SH3BP4: variants seen among roughly 807,000 people sequenced by gnomAD.
The protein encoded by SH3BP4 is SH3 domain binding protein 4, also known as SH3 domain-binding protein 4.
SH3BP4 carries 33 observed loss-of-function variants against 65.5 expected under a neutral mutation model. That is an observed-to-expected ratio of 0.50 (90% confidence interval 0.38 to 0.67). SH3BP4 has a LOEUF of 0.67. SH3BP4 is among the 30% of genes least tolerant of loss of function. The probability of loss-of-function intolerance (pLI) is 0.00; values close to 1 mark genes in which losing one functional copy is unlikely to be tolerated. For synonymous variants in SH3BP4, 552 were observed against 545.5 expected, an observed-to-expected ratio of 1.01 and a Z score of -0.17; for missense variants, 1,134 against 1,261.4, an observed-to-expected ratio of 0.90 and a Z score of 1.53.
At chr2:234,959,653 C>CTTT (rs148083180) in intron 1 of SH3BP4, among the ~76,000 whole-genome samples, 1 of 123,820 alleles carries the variant, frequency 8.1e-6, no homozygotes. Flanking sequence ...GAGGATTTGA[C>CTTT]TTTTTTTTTT....
intron 2 of SH3BP4, among the ~76,000 whole-genome samples, chr2:235,020,198 G>C (rs1694811104): frequency 6.6e-6 from 1 of 152,152 alleles, no homozygotes; most frequent in African/African-American, 2.4e-5. Flanking sequence ...CCTAGATATA[G>C]AAATAAGTGA....
chr2:234,958,542 G>T (rs1314045460), intron 1 of SH3BP4, among the ~76,000 whole-genome samples: 1 of 152,066 alleles, frequency 6.6e-6, no homozygotes, highest in Non-Finnish European at 1.5e-5. Context: ...CTCATACATG[G>T]GAACCTAGAG....
At chr2:235,038,056 C>T (rs1484432199) in intron 3 of SH3BP4, among the ~76,000 whole-genome samples, 2 of 150,564 alleles carry the variant, frequency 1.3e-5, no homozygotes, top group Non-Finnish European at 1.5e-5. Context: ...CCCCGCTACG[C>T]GCCAGGCCTT....
At position 234,952,382 on chromosome 2, in the gene SH3BP4, C is replaced by G. The variant is rs1440287240; in HGVS notation, c.-207+212C>G. The stretch of plus-strand genomic sequence containing the variant: ...CCTCGCGCGCCCCTCGCCGCTCCCC[C>G]GGGCGCTCGGGTCTCCCTGGTGCTG... On this transcript the variant is annotated intron_variant, in intron 1 of 5. Transcript: ENST00000392011. This position sits in a 1 kb window ranked among gnomAD's most constrained non-coding sequence, Gnocchi z 6.5. 2.0e-5 allele frequency among the ~76,000 whole-genome samples: 3 copies of G among 150,958 alleles called. No individual in the cohort carries two copies. The highest frequency in any genetic ancestry group is 7.3e-5 in the African/African-American group (3 of 41,276).
At chr2:235,007,010 C>T (rs996720256) in intron 2 of SH3BP4, among the ~76,000 whole-genome samples, 3 of 152,242 alleles carry the variant, frequency 2.0e-5, no homozygotes, top group Admixed American at 1.3e-4. Flanking sequence ...AACGAGCTGA[C>T]GGAACATTTA....
chr2:234,958,425 G>C (rs1229275600), intron 1 of SH3BP4, among the ~76,000 whole-genome samples: 1 of 151,956 alleles, frequency 6.6e-6, no homozygotes, highest in Admixed American at 6.5e-5. Flanking sequence ...TGCTCGCCCT[G>C]GGGGGGTGTC....
chr2:235,044,568 G>T (rs146792816), intron 4 of SH3BP4, among the ~76,000 whole-genome samples: 2 of 152,350 alleles, frequency 1.3e-5, no homozygotes, highest in East Asian at 1.9e-4. Context: ...GGCGTGTGCC[G>T]CTCTTCCTCG....
intron 1 of SH3BP4, among the ~76,000 whole-genome samples, chr2:234,958,161 A>G (rs1156945366): frequency 6.6e-6 from 1 of 152,128 alleles, no homozygotes; most frequent in African/African-American, 2.4e-5. Context: ...CAGATGAAGG[A>G]AAGAGAAACC....
intron 2 of SH3BP4, among the ~76,000 whole-genome samples, chr2:235,016,256 G>A (rs1014285293): frequency 6.6e-6 from 1 of 152,054 alleles, no homozygotes; most frequent in African/African-American, 2.4e-5. Context: ...AAAACACGAG[G>A]CACATCTGAG....
chr2:234,964,182 A>G (rs374207183), intron 1 of SH3BP4, among the ~76,000 whole-genome samples: 8 of 152,154 alleles, frequency 5.3e-5, no homozygotes, highest in African/African-American at 1.7e-4. Context: ...CAGCATTCCC[A>G]GCACGCCCCA....
At chr2:235,007,122 A>G (rs1404803670) in intron 2 of SH3BP4, among the ~76,000 whole-genome samples, 1 of 149,670 alleles carries the variant, frequency 6.7e-6, no homozygotes, top group African/African-American at 2.4e-5. Flanking sequence ...TGTGAAATCA[A>G]GTAGAGGGGA....
intron 2 of SH3BP4, among the ~76,000 whole-genome samples, chr2:235,003,585 A>C (rs1018295494): frequency 2.6e-5 from 4 of 152,284 alleles, no homozygotes; most frequent in African/African-American, 9.6e-5. Context: ...GAGGGGGTCA[A>C]ATCTTGGTGA....
At chr2:234,973,708 G>A (rs1693068446) in intron 1 of SH3BP4, among the ~76,000 whole-genome samples, 1 of 151,640 alleles carries the variant, frequency 6.6e-6, no homozygotes, top group Non-Finnish European at 1.5e-5. Flanking sequence ...GGAGTGGAGG[G>A]CACAAGGATG....
intron 3 of SH3BP4, among the ~76,000 whole-genome samples, chr2:235,039,583 A>C (rs1247745583): frequency 6.6e-6 from 1 of 151,690 alleles, no homozygotes; most frequent in Non-Finnish European, 1.5e-5. Flanking sequence ...TAAGTGAGGC[A>C]GTTTGGGAGG....
intron 2 of SH3BP4, among the ~76,000 whole-genome samples, chr2:235,029,114 CTG>C (rs1310542344): frequency 2.0e-5 from 3 of 152,214 alleles, no homozygotes; most frequent in Non-Finnish European, 4.4e-5. Flanking sequence ...GAGCTGATGA[CTG>C]TAATTGCATC....
At position 235,034,618 on chromosome 2, in the gene SH3BP4, A is replaced by G. The variant is rs1220226505; in HGVS notation, c.-132-253A>G. ...CAAACACCCTTACGCCCCTAAGAAG[A>G]GCAGGTGCAAACAGCCGGCCAGAAA... is the stretch of plus-strand genomic sequence containing the variant. On this transcript the variant is annotated intron_variant, in intron 2 of 5. Transcript: ENST00000392011. The surrounding 1 kb of genome is among the most constrained non-coding windows in gnomAD (Gnocchi z 6.2). Among the ~76,000 whole-genome samples, 2 of 152,186 alleles carry G rather than the reference A, an allele frequency of 1.3e-5. No homozygotes were observed. The highest frequency in any genetic ancestry group is 2.9e-5 in the Non-Finnish European group (2 of 68,036).
At chr2:234,960,081 A>G (rs1692672083) in intron 1 of SH3BP4, among the ~76,000 whole-genome samples, 1 of 152,236 alleles carries the variant, frequency 6.6e-6, no homozygotes, top group Admixed American at 6.5e-5. Context: ...AAATATTTGT[A>G]TGTGTCCTGT....
intron 1 of SH3BP4, among the ~76,000 whole-genome samples, chr2:234,982,579 G>T (rs1693420382): frequency 6.6e-6 from 1 of 152,218 alleles, no homozygotes; most frequent in Admixed American, 6.5e-5. Flanking sequence ...CTGGGTGGCA[G>T]GTGGGCTATC....
In SH3BP4 at chr2:235,030,824, C is replaced by T. The variant is rs985710121; in HGVS notation, c.-132-4047C>T. 6.6e-6 allele frequency among the ~76,000 whole-genome samples: 1 copy of T among 152,148 alleles called. No individual in the cohort carries two copies. Among genetic ancestry groups the T allele is most frequent in the African/African-American group, 2.4e-5 (1 of 41,408 alleles). ...CCTTTCAGCCCTCGGTGTGACTCCA[C>T]CTGCTCAGGAAGGTTTTGGGAGTGG... On this transcript the variant is annotated intron_variant, in intron 2 of 5. Transcript: ENST00000392011. This position sits in a 1 kb window ranked among gnomAD's most constrained non-coding sequence, Gnocchi z 4.1.
Sources: allele counts gnomAD v4.1 joint callset (sites outside exome capture counted in the v4.1 genomes callset), GRCh38; gene constraint gnomAD v4.1.1; non-coding constraint Gnocchi (gnomAD v3.1); transcripts MANE v1.5; gene names NCBI Gene and HGNC (gene_info 2026-07-23, HGNC 2026-07-21).